GRM3: variants seen among roughly 807,000 people sequenced by gnomAD.
The protein encoded by GRM3 is metabotropic glutamate receptor 3.
GRM3 carries 26 observed loss-of-function variants against 70.5 expected under a neutral mutation model. That is an observed-to-expected ratio of 0.37 (90% CI 0.27 to 0.51). GRM3 has a LOEUF of 0.51. Among genes scored for constraint, GRM3 ranks in the 20% least tolerant of loss-of-function variants. The pLI is 0.93. For synonymous variants in GRM3, 443 were observed against 434.9 expected (o/e 1.02, Z -0.23); for missense variants, 859 against 1,123.8 (o/e 0.76, Z 3.37).
intron 1 of GRM3, among the ~76,000 whole-genome samples, chr7:86,651,975 A>G (rs1298703285): frequency 1.3e-5 from 2 of 152,226 alleles, no homozygotes. Flanking sequence ...CCTCCAACAC[A>G]TTCTGAATTT....
At chr7:86,858,743 T>G (rs1798899090) in intron 5 of GRM3, among the ~76,000 whole-genome samples, 1 of 152,214 alleles carries the variant, frequency 6.6e-6, no homozygotes, top group Non-Finnish European at 1.5e-5. Context: ...TGACATATCT[T>G]CTTTTTCCAT....
intron 1 of GRM3, among the ~76,000 whole-genome samples, chr7:86,686,064 AAGAT>A (rs1461214662): frequency 1.3e-5 from 2 of 152,178 alleles, no homozygotes; most frequent in African/African-American, 4.8e-5. Context: ...AATAATGAGC[AAGAT>A]AGATTAGTTA....
At position 86,686,440 on chromosome 7, in the gene GRM3, A is replaced by G. The variant is rs975877019; in HGVS notation, c.-141+41568A>G. On this transcript the variant is annotated intron_variant, in intron 1 of 5. Coordinates refer to ENST00000361669, the MANE Select transcript of GRM3 (RefSeq NM_000840.3). Reference sequence around the variant, plus strand: ...ACAGGGCAAAACTCCAAAAAAGGAAACAATATAAATCACCAGGGGGTTGCA... The same window carrying G: ...ACAGGGCAAAACTCCAAAAAAGGAAGCAATATAAATCACCAGGGGGTTGCA... 2.0e-5 allele frequency among the ~76,000 whole-genome samples: 3 copies of G among 152,238 alleles called. No homozygotes were observed. The East Asian group carries it at 5.8e-4, about 29-fold the overall frequency.
At chr7:86,816,493 G>A (rs544043450) in intron 3 of GRM3, among the ~76,000 whole-genome samples, 140 of 151,860 alleles carry the variant, frequency 9.2e-4, no homozygotes, top group African/African-American at 3.2e-3. Context: ...TCTTCTTTGT[G>A]TTCTATATGT....
chr7:86,714,535 C>G (rs1306783307), intron 1 of GRM3, among the ~76,000 whole-genome samples: 1 of 151,936 alleles, frequency 6.6e-6, no homozygotes, highest in Non-Finnish European at 1.5e-5. Context: ...AGGACTTAAA[C>G]CCATAAAACC....
At chr7:86,715,583 C>A (rs188774261) in intron 1 of GRM3, among the ~76,000 whole-genome samples, 1 of 151,986 alleles carries the variant, frequency 6.6e-6, no homozygotes, top group African/African-American at 2.4e-5. Flanking sequence ...ATCCTCAGAA[C>A]CTGACACAGC....
chr7:86,847,029 A>C (rs1798668273), intron 4 of GRM3, among the ~76,000 whole-genome samples: 2 of 152,184 alleles, frequency 1.3e-5, no homozygotes, highest in African/African-American at 2.4e-5. Context: ...CACTTCTCAC[A>C]GGGTTACACA....
At chr7:86,844,221 A>T (rs1452975920) in intron 4 of GRM3, among the ~76,000 whole-genome samples, 2 of 152,192 alleles carry the variant, frequency 1.3e-5, no homozygotes, top group African/African-American at 2.4e-5. Context: ...TCTTTAAAAA[A>T]ATTTGTGTCA....
chr7:86,654,413 C>G (rs1793682532), intron 1 of GRM3, among the ~76,000 whole-genome samples: 1 of 152,192 alleles, frequency 6.6e-6, no homozygotes. Context: ...CACCGTGTCT[C>G]AGCAGAGCCT....
chr7:86,840,846 A>G (rs1037148804), intron 4 of GRM3, among the ~76,000 whole-genome samples: 14 of 152,272 alleles, frequency 9.2e-5, no homozygotes, highest in African/African-American at 2.4e-4. Flanking sequence ...AAAATCCTCA[A>G]ATCTGCTGTT....
intron 2 of GRM3, chr7:86,775,251 C>G (rs1796856268): frequency 6.6e-6 from 1 of 151,892 alleles, no homozygotes; most frequent in Non-Finnish European, 1.5e-5. Flanking sequence ...CTGCTTTTTT[C>G]CAGGAAGGAT....
At chr7:86,781,361 C>T (rs1797054447) in intron 2 of GRM3, among the ~76,000 whole-genome samples, 3 of 152,110 alleles carry the variant, frequency 2.0e-5, no homozygotes, top group Non-Finnish European at 4.4e-5. Context: ...CAGGATAAAC[C>T]ACTTAATAAT....
At chr7:86,723,257 T>C (rs954135613) in intron 1 of GRM3, among the ~76,000 whole-genome samples, 2 of 152,020 alleles carry the variant, frequency 1.3e-5, no homozygotes, top group African/African-American at 4.8e-5. Flanking sequence ...GCTCAGGTGA[T>C]AGATATAATG....
chr7:86,812,550 C>T (rs1413944386), intron 3 of GRM3, among the ~76,000 whole-genome samples: 1 of 151,716 alleles, frequency 6.6e-6, no homozygotes, highest in Non-Finnish European at 1.5e-5. Flanking sequence ...ACTCCTGAGA[C>T]TTTTGTTCCA....
chr7:86,793,795 A>G (rs1052437122), intron 3 of GRM3, among the ~76,000 whole-genome samples: 1 of 151,842 alleles, frequency 6.6e-6, no homozygotes, highest in Non-Finnish European at 1.5e-5. Flanking sequence ...GCTGCTTGTT[A>G]TTTTTACTAT....
intron 4 of GRM3, among the ~76,000 whole-genome samples, chr7:86,845,572 T>A (rs1798639953): frequency 6.6e-6 from 1 of 152,092 alleles, no homozygotes; most frequent in Non-Finnish European, 1.5e-5. Flanking sequence ...CTGAAGTTCC[T>A]CAGCATACTT....
intron 4 of GRM3, among the ~76,000 whole-genome samples, chr7:86,848,443 T>C (rs745979953): frequency 2.8e-4 from 42 of 152,280 alleles, no homozygotes; most frequent in Middle Eastern, 3.4e-3. Context: ...GAAAGATACA[T>C]CCTTCAGATG....
At chr7:86,816,263 C>T (rs1291194397) in intron 3 of GRM3, among the ~76,000 whole-genome samples, 3 of 151,816 alleles carry the variant, frequency 2.0e-5, no homozygotes, top group Non-Finnish European at 4.4e-5. Flanking sequence ...ACAAACATTC[C>T]TTGAAGCTTA....
intron 3 of GRM3, among the ~76,000 whole-genome samples, chr7:86,828,978 T>C (rs1289151345): frequency 6.6e-6 from 1 of 152,258 alleles, no homozygotes; most frequent in Non-Finnish European, 1.5e-5. Flanking sequence ...GTGTGGATTC[T>C]ATCTCATGAA....
Sources: allele counts gnomAD v4.1 joint callset (sites outside exome capture counted in the v4.1 genomes callset), GRCh38; gene constraint gnomAD v4.1.1; transcripts MANE v1.5; gene names NCBI Gene and HGNC (gene_info 2026-07-23, HGNC 2026-07-21).